The following EMC7 variants were observed in gnomAD, a reference collection of about 807,000 sequenced individuals.
The protein encoded by EMC7 is endoplasmic reticulum membrane protein complex subunit 7.
In EMC7, 4 loss-of-function variants were observed where a neutral mutation model predicts 24.4. That is an observed-to-expected ratio of 0.16 (90% CI 0.08 to 0.38). The LOEUF (loss-of-function observed/expected upper bound fraction) is 0.38, where lower values mean the gene tolerates loss of function less well. Among genes scored for constraint, EMC7 ranks in the 10% least tolerant of loss-of-function variants. EMC7 has a pLI of 1.00. For synonymous variants in EMC7, 106 were observed against 112.0 expected (o/e 0.95, Z 0.34); for missense variants, 221 against 300.6 (o/e 0.74, Z 1.96).
Position 34,095,890 on chromosome 15 carries a change from C to G in EMC7, c.356+5G>C, listed in dbSNP as rs1901056427. The G allele has an allele frequency of 6.3e-7, 1 of 1,595,948 alleles. No homozygotes were observed. The highest frequency in any genetic ancestry group is 8.6e-7 in the Non-Finnish European group (1 of 1,167,216). On this transcript the variant is annotated splice_donor_5th_base_variant and intron_variant, in intron 2 of 4. Coordinates refer to ENST00000256545, the MANE Select transcript of EMC7 (RefSeq NM_020154.3). ...TTTGGCAAAAATTAAATCAGGTGCCCTCACCTCATTTTTCCTTTCGAAGTG... is the reference window on the plus strand; with the variant it reads ...TTTGGCAAAAATTAAATCAGGTGCCGTCACCTCATTTTTCCTTTCGAAGTG...
At chr15:34,085,451 G>T (rs1900864197) in intron 4 of EMC7, among the ~76,000 whole-genome samples, 1 of 151,964 alleles carries the variant, frequency 6.6e-6, no homozygotes, top group African/African-American at 2.4e-5. Flanking sequence ...ACATGAAAAA[G>T]ATAGCAAATA....
At position 34,101,752 on chromosome 15, in the gene EMC7, C is replaced by T; in HGVS notation, c.88G>A (p.Ala30Thr). The T allele has an allele frequency of 6.2e-7, 1 of 1,613,868 alleles. No homozygotes were observed. Residue 30 changes from alanine to threonine, a missense_variant, in exon 1 of 5, where the codon GCT becomes ACT. Ala to Thr is a moderately conservative substitution (Grantham distance 58, BLOSUM62 0). Around this residue, in one of 2 missense-constraint regions of EMC7, gnomAD observed 156 missense variants for 177.1 expected, o/e 0.88. Coordinates refer to ENST00000256545, the MANE Select transcript of EMC7 (RefSeq NM_020154.3). ...DVQSSEVPGA[A>T]AEGSGGSGVG... Reference sequence around the variant, plus strand: ...CCACTCCCTCCCGATCCCTCAGCAGCAGCCCCGGGCACCTCCGAGCTCTGG... The same window carrying T: ...CCACTCCCTCCCGATCCCTCAGCAGTAGCCCCGGGCACCTCCGAGCTCTGG...
chr15:34,089,147 C>T (rs1393469865), intron 3 of EMC7, among the ~76,000 whole-genome samples: 2 of 152,294 alleles, frequency 1.3e-5, no homozygotes, highest in South Asian at 2.1e-4. Flanking sequence ...TGAGCCACCG[C>T]GCCTGGCCTA....
chr15:34,101,571 C>T (rs773264770), intron 1 of EMC7, 33 bp downstream of exon 1: 23 of 1,608,176 alleles, frequency 1.4e-5, no homozygotes, highest in Non-Finnish European at 1.8e-5. Context: ...GCCTCCATCC[C>T]AGCCTTTTTC....
chr15:34,093,566 A>T (rs1014906862), intron 2 of EMC7, among the ~76,000 whole-genome samples: 1 of 151,648 alleles, frequency 6.6e-6, no homozygotes, highest in Non-Finnish European at 1.5e-5. Flanking sequence ...TTAAAAAAAA[A>T]TACAAGTATT....
intron 1 of EMC7, among the ~76,000 whole-genome samples, chr15:34,097,795 C>A (rs1901100763): frequency 6.6e-6 from 1 of 151,860 alleles, no homozygotes; most frequent in Non-Finnish European, 1.5e-5. Flanking sequence ...ACGGTGAAAC[C>A]CTGTCTCTAC....
chr15:34,099,429 G>A (rs1901139896), intron 1 of EMC7, among the ~76,000 whole-genome samples: 1 of 152,118 alleles, frequency 6.6e-6, no homozygotes, highest in Non-Finnish European at 1.5e-5. Flanking sequence ...AATGGCATGA[G>A]GAGTCTTCAG....
intron 1 of EMC7, among the ~76,000 whole-genome samples, chr15:34,100,157 A>G (rs572894628): frequency 3.9e-5 from 6 of 152,336 alleles, no homozygotes; most frequent in African/African-American, 1.4e-4. Context: ...ACTGGGCAAC[A>G]TAGCAAGACC....
chr15:34,087,957 G>C, intron 4 of EMC7, 96 bp downstream of exon 4: 1 of 1,030,538 alleles, frequency 9.7e-7, no homozygotes, highest in Middle Eastern at 2.1e-4. Context: ...GGAGTTTGAG[G>C]CCACTCAAAC....
Position 34,101,856 on chromosome 15 carries a change from T to G in EMC7, c.-17A>C. 6.4e-7 allele frequency: 1 copy of G among 1,568,140 alleles called. No homozygotes were observed. On this transcript the variant is annotated 5_prime_UTR_variant, in exon 1 of 5. Transcript: ENST00000256545. ...GGCCGCCATGACAGCAGCTCTGCACTCAGACCGGCAGCCCCGGAAGCCCTC... is the reference window on the plus strand; with the variant it reads ...GGCCGCCATGACAGCAGCTCTGCACGCAGACCGGCAGCCCCGGAAGCCCTC...
At chr15:34,095,408 C>A in intron 2 of EMC7, among the ~76,000 whole-genome samples, 1 of 152,144 alleles carries the variant, frequency 6.6e-6, no homozygotes. Flanking sequence ...CTTTTCACCT[C>A]AATTGTTTTC....
Position 34,090,332 on chromosome 15 carries a change from A to C in EMC7, c.480T>G (p.Phe160Leu). The change falls in exon 3 of 5, where the codon TTT becomes TTG. Residue 160 changes from phenylalanine to leucine, a missense_variant. Coordinates refer to ENST00000256545, the MANE Select transcript of EMC7 (RefSeq NM_020154.3). ...IKRESWGWTD[F>L]LMNPMVMMMV... ...TGATACATACCATTGGGTTCATTAG[A>C]AAGTCTGTCCAGCCCCACGATTCCC... The C allele has an allele frequency of 6.2e-7, 1 of 1,613,390 alleles. No individual in the cohort carries two copies. Among genetic ancestry groups the C allele is most frequent in the East Asian group, 2.2e-5 (1 of 44,852 alleles).
intron 3 of EMC7, among the ~76,000 whole-genome samples, chr15:34,089,695 G>C (rs914602665): frequency 6.6e-6 from 1 of 152,086 alleles, no homozygotes. Context: ...GGTGGCTCAC[G>C]CCTGTAATCC....
intron 1 of EMC7, among the ~76,000 whole-genome samples, chr15:34,097,511 T>A (rs913482566): frequency 6.6e-5 from 10 of 152,150 alleles, no homozygotes; most frequent in African/African-American, 2.2e-4. Flanking sequence ...AACCATCCTA[T>A]CAAGAGCTGA....
chr15:34,096,070 T>G, intron 1 of EMC7, 56 bp from the exon 2 acceptor site: 1 of 1,422,658 alleles, frequency 7.0e-7, no homozygotes, highest in Non-Finnish European at 9.3e-7. Flanking sequence ...AGTCTTTTCT[T>G]ACTTGCTAAT....
intron 2 of EMC7, 127 bp from the exon 3 acceptor site, chr15:34,090,582 C>G (rs943296879): frequency 9.3e-7 from 1 of 1,078,236 alleles, no homozygotes; most frequent in African/African-American, 1.6e-5. Context: ...GCTTTAAAAC[C>G]TAAACTTTTG....
At chr15:34,098,149 T>TG (rs1901109670) in intron 1 of EMC7, among the ~76,000 whole-genome samples, 1 of 152,160 alleles carries the variant, frequency 6.6e-6, no homozygotes, top group African/African-American at 2.4e-5. Flanking sequence ...CTTAGTCTAT[T>TG]TTCCCCCCAG....
chr15:34,092,685 CTTTT>C (rs1405238498), intron 2 of EMC7, among the ~76,000 whole-genome samples: 1 of 151,750 alleles, frequency 6.6e-6, no homozygotes, highest in Non-Finnish European at 1.5e-5. Context: ...ATAATTTTTT[CTTTT>C]TTTTAATTTA....
chr15:34,092,927 T>G (rs1901001512), intron 2 of EMC7, among the ~76,000 whole-genome samples: 2 of 152,114 alleles, frequency 1.3e-5, no homozygotes, highest in African/African-American at 4.8e-5. Flanking sequence ...CAGAACAACA[T>G]AGCCTAGCTT....
Sources: allele counts gnomAD v4.1 joint callset (sites outside exome capture counted in the v4.1 genomes callset), GRCh38; gene constraint gnomAD v4.1.1; regional missense constraint gnomAD v4.1.1; transcripts MANE v1.5; gene names NCBI Gene and HGNC (gene_info 2026-07-23, HGNC 2026-07-21).